LEKR1: variants seen among roughly 807,000 people sequenced by gnomAD.
LEKR1 encodes the protein protein LEKR1.
In LEKR1, 59 loss-of-function variants were observed where a neutral mutation model predicts 72.4. The observed-to-expected ratio is 0.82, with a 90% CI of 0.66 to 1.01. The LOEUF (loss-of-function observed/expected upper bound fraction) is 1.01. Among genes scored for constraint, LEKR1 ranks in the 50% least tolerant of loss-of-function variants. The pLI is 0.00. For synonymous variants in LEKR1, 257 were observed against 263.2 expected, an observed-to-expected ratio of 0.98 and a Z score of 0.23; for missense variants, 728 against 759.2, an observed-to-expected ratio of 0.96 and a Z score of 0.48.
At chr3:156,923,837 C>T (rs900968929) in intron 4 of LEKR1, among the ~76,000 whole-genome samples, 1 of 151,984 alleles carries the variant, frequency 6.6e-6, no homozygotes, top group Non-Finnish European at 1.5e-5. Flanking sequence ...ACGCCATTCT[C>T]CTGCCTCAGC....
chr3:156,978,856 A>G (rs1030380570), intron 6 of LEKR1, among the ~76,000 whole-genome samples: 25 of 152,324 alleles, frequency 1.6e-4, no homozygotes, highest in African/African-American at 5.5e-4. Context: ...GAAACAAGAC[A>G]CGTGATCAGA....
intron 10 of LEKR1, among the ~76,000 whole-genome samples, chr3:157,021,195 G>A (rs986331026): frequency 6.6e-6 from 1 of 152,018 alleles, no homozygotes; most frequent in Non-Finnish European, 1.5e-5. Flanking sequence ...TGTCAGATGA[G>A]TAGGTTGTGA....
intron 7 of LEKR1, among the ~76,000 whole-genome samples, chr3:156,985,669 A>G (rs1730608647): frequency 6.6e-6 from 1 of 151,958 alleles, no homozygotes; most frequent in African/African-American, 2.4e-5. Context: ...CCCTGTCTCT[A>G]TTAAAAAATA....
chr3:156,977,798 TAC>T, intron 6 of LEKR1: 1 of 223,656 alleles, frequency 4.5e-6, no homozygotes. Context: ...TCTTGCCTTC[TAC>T]AGGAAACGCC....
At position 156,985,183 on chromosome 3, in the gene LEKR1, T is replaced by A. The variant is rs74608220; in HGVS notation, c.827+5908T>A. ...ATATTGGAGTAACAAGATTGGCACA[T>A]TTCCATAGAGTTACTTTTCAGACAA... On this transcript the variant is annotated intron_variant, in intron 7 of 12. Coordinates refer to ENST00000356539, the MANE Select transcript of LEKR1 (RefSeq NM_001004316.3). 6.4e-4 allele frequency among the ~76,000 whole-genome samples: 98 copies of A among 152,298 alleles called. No homozygotes were observed. In the East Asian group the frequency reaches 0.017, roughly 26 times the overall value.
intron 9 of LEKR1, among the ~76,000 whole-genome samples, chr3:157,003,910 A>G (rs1037543528): frequency 1.3e-5 from 2 of 152,218 alleles, no homozygotes; most frequent in Admixed American, 1.3e-4. Flanking sequence ...AAGAAAACAG[A>G]AAGAAGGGAA....
At chr3:156,944,517 C>T (rs1349940058) in intron 6 of LEKR1, among the ~76,000 whole-genome samples, 1 of 151,420 alleles carries the variant, frequency 6.6e-6, no homozygotes, top group Non-Finnish European at 1.5e-5. Context: ...CCTGTCTAAC[C>T]ATATATTTGT....
At chr3:156,948,887 G>A (rs74750999) in intron 6 of LEKR1, among the ~76,000 whole-genome samples, 4,790 of 151,504 alleles carry the variant, frequency 0.032, 116 homozygotes, top group Non-Finnish European at 0.047. Context: ...TATCTCATTG[G>A]CACTTGATTT....
intron 3 of LEKR1, among the ~76,000 whole-genome samples, chr3:156,914,748 G>T (rs1009078130): frequency 2.0e-5 from 3 of 151,918 alleles, no homozygotes; most frequent in Non-Finnish European, 2.9e-5. Flanking sequence ...TTAGCTTGTT[G>T]TAGAAACCAG....
At chr3:156,876,746 A>G (rs112805423) in intron 3 of LEKR1, among the ~76,000 whole-genome samples, 40 of 152,214 alleles carry the variant, frequency 2.6e-4, no homozygotes, top group African/African-American at 8.0e-4. Context: ...TTTTCTAGGT[A>G]TACAATCATA....
intron 3 of LEKR1, among the ~76,000 whole-genome samples, chr3:156,919,924 A>T (rs1237008803): frequency 6.6e-6 from 1 of 152,160 alleles, no homozygotes; most frequent in Non-Finnish European, 1.5e-5. Flanking sequence ...AAGTTAACTC[A>T]TGTTCTTCCA....
intron 3 of LEKR1, among the ~76,000 whole-genome samples, chr3:156,884,896 T>C (rs62275244): frequency 0.032 from 4,830 of 152,214 alleles, 116 homozygotes; most frequent in Non-Finnish European, 0.047. Context: ...TGATTTCTTT[T>C]CTTCCTCAAG....
chr3:157,009,326 A>G (rs1732711116), intron 9 of LEKR1, among the ~76,000 whole-genome samples: 1 of 152,172 alleles, frequency 6.6e-6, no homozygotes, highest in Non-Finnish European at 1.5e-5. Context: ...TCAAATTGGT[A>G]TGTATTCTAC....
intron 3 of LEKR1, among the ~76,000 whole-genome samples, chr3:156,874,375 T>C (rs1432349931): frequency 6.6e-6 from 1 of 152,118 alleles, no homozygotes; most frequent in Admixed American, 6.5e-5. Flanking sequence ...TTCATATGCT[T>C]ATCAGTCATT....
At chr3:156,980,846 G>T (rs951903384) in intron 7 of LEKR1, among the ~76,000 whole-genome samples, 4 of 152,270 alleles carry the variant, frequency 2.6e-5, no homozygotes, top group Middle Eastern at 6.8e-3. Context: ...TGAAGAAAAG[G>T]AATAAACTTA....
chr3:156,922,280 A>G (rs1481336568), intron 4 of LEKR1, among the ~76,000 whole-genome samples: 1 of 152,140 alleles, frequency 6.6e-6, no homozygotes, highest in African/African-American at 2.4e-5. Context: ...GCATTACTAA[A>G]AGCTGATTTT....
chr3:156,850,927 A>T (rs1560024219), intron 2 of LEKR1, among the ~76,000 whole-genome samples: 2 of 152,208 alleles, frequency 1.3e-5, no homozygotes, highest in African/African-American at 2.4e-5. Flanking sequence ...GGTTTTATTT[A>T]ACATAAAGCC....
chr3:156,831,354 G>A (rs1244210737), intron 2 of LEKR1, among the ~76,000 whole-genome samples: 1 of 152,124 alleles, frequency 6.6e-6, no homozygotes, highest in Non-Finnish European at 1.5e-5. Flanking sequence ...CTACATATTA[G>A]CAGAATGCAG....
chr3:156,831,442 T>G lies in LEKR1; in HGVS notation c.48+2065T>G, dbSNP rs1460456816. On this transcript the variant is annotated intron_variant, in intron 2 of 12. Transcript: ENST00000356539. Reference sequence around the variant, plus strand: ...TTAGTTTAAGGGATATTATTTAAACTATAAAGTTCTCCCAAAGTTAGATTG... The same window carrying G: ...TTAGTTTAAGGGATATTATTTAAACGATAAAGTTCTCCCAAAGTTAGATTG... 3.9e-5 allele frequency among the ~76,000 whole-genome samples: 6 copies of G among 152,324 alleles called. No homozygotes were observed. In the East Asian group the frequency reaches 1.2e-3, roughly 29 times the overall value.
Sources: gnomAD v4.1 joint callset for allele counts (sites outside exome capture counted in the v4.1 genomes callset) on GRCh38, gnomAD v4.1.1 for gene constraint, MANE v1.5 for transcripts, NCBI Gene and HGNC (gene_info 2026-07-23, HGNC 2026-07-21) for gene names.